The following UBASH3B variants were observed in gnomAD, a reference collection of about 807,000 sequenced individuals.
UBASH3B encodes ubiquitin associated and SH3 domain containing B, also known as ubiquitin-associated and SH3 domain-containing protein B.
UBASH3B carries 37 observed loss-of-function variants against 83.4 expected under a neutral mutation model. That is an observed-to-expected ratio of 0.44 (90% confidence interval 0.34 to 0.58). UBASH3B has a LOEUF of 0.58. UBASH3B is among the 20% of genes least tolerant of loss of function. The probability of loss-of-function intolerance (pLI) is 0.01; values close to 1 mark genes in which losing one functional copy is unlikely to be tolerated. For missense variants in UBASH3B, 657 were observed against 827.2 expected, an observed-to-expected ratio of 0.79 and a Z score of 2.52; for synonymous variants, 304 against 318.3, an observed-to-expected ratio of 0.96 and a Z score of 0.48.
intron 1 of UBASH3B, among the ~76,000 whole-genome samples, chr11:122,684,116 C>T (rs756932861): frequency 6.6e-6 from 1 of 152,100 alleles, no homozygotes; most frequent in Admixed American, 6.6e-5. Flanking sequence ...ATGGGAAAGT[C>T]GCTGAAGAAT....
intron 1 of UBASH3B, among the ~76,000 whole-genome samples, chr11:122,710,384 C>T (rs1864176319): frequency 6.6e-6 from 1 of 152,104 alleles, no homozygotes; most frequent in Non-Finnish European, 1.5e-5. Flanking sequence ...ACGCTTATTA[C>T]AAGCCAGGCA....
At chr11:122,779,719 G>A (rs1472925460) in intron 4 of UBASH3B, 24 bp downstream of exon 4, 1 of 1,613,394 alleles carries the variant, frequency 6.2e-7, no homozygotes, top group Admixed American at 1.7e-5. Flanking sequence ...TGCCAGGCCA[G>A]CCCTGGGCCC....
chr11:122,774,634 A>G (rs1860702178), intron 1 of UBASH3B, among the ~76,000 whole-genome samples: 1 of 152,168 alleles, frequency 6.6e-6, no homozygotes, highest in Admixed American at 6.5e-5. Flanking sequence ...AGTTGGGGAA[A>G]GGATGCTTGC....
Position 122,796,946 on chromosome 11 carries a change from A to G in UBASH3B, c.1270A>G (p.Ser424Gly), listed in dbSNP as rs1861167344. Reference protein sequence around the residue: ...YIRTNLNMPHSLPQRSGGFRD... With the variant: ...YIRTNLNMPHGLPQRSGGFRD... ...ACGCACCAACCTGAACATGCCTCAT[A>G]GTTTACCTCAGCGGAGTGGTGGTTT... is the stretch of plus-strand genomic sequence containing the variant. Residue 424 changes from serine to glycine, a missense_variant, in exon 9 of 14, where the codon AGT (serine) becomes GGT (glycine). Physicochemically the swap from Ser to Gly is moderately conservative, Grantham distance 56. Around this residue, in one of 3 missense-constraint regions of UBASH3B, gnomAD observed 573 missense variants for 739.0 expected, o/e 0.78. Coordinates refer to ENST00000284273, the MANE Select transcript of UBASH3B (RefSeq NM_032873.5). 1 of 1,614,140 alleles carries G rather than the reference A, an allele frequency of 6.2e-7. No homozygotes were observed. Among genetic ancestry groups the G allele is most frequent in the Non-Finnish European group, 8.5e-7 (1 of 1,180,014 alleles).
intron 4 of UBASH3B, among the ~76,000 whole-genome samples, chr11:122,779,915 G>A (rs1461461650): frequency 4.6e-5 from 7 of 152,172 alleles, no homozygotes; most frequent in Non-Finnish European, 8.8e-5. Context: ...TGGAGAGACC[G>A]TCTAAGGCTT....
intron 1 of UBASH3B, among the ~76,000 whole-genome samples, chr11:122,664,078 G>A (rs759305856): frequency 3.9e-5 from 6 of 152,118 alleles, no homozygotes; most frequent in Non-Finnish European, 8.8e-5. Context: ...GTTCCTCACT[G>A]AGCTTTGGGT....
In UBASH3B at chr11:122,810,545, CT is replaced by C. The variant is rs79588069; in HGVS notation, c.*660del. ...CCTTCTTGCTACAGCCCTATCCCCC[CT>C]CCTTGCTTCTGTGAAATGGGGAGAC... On this transcript the variant is annotated 3_prime_UTR_variant, in exon 14 of 14. Coordinates refer to ENST00000284273, the MANE Select transcript of UBASH3B (RefSeq NM_032873.5). 9,430 of 152,056 alleles carry C rather than the reference CT, an allele frequency of 0.062. 568 individuals carry two copies. The highest frequency in any genetic ancestry group is 0.15 in the African/African-American group (6,282 of 40,966). 9.4% of individuals were successfully genotyped at this position (152,056 alleles called of 1,614,324 possible).
At chr11:122,687,589 G>A (rs1863825320) in intron 1 of UBASH3B, among the ~76,000 whole-genome samples, 1 of 152,164 alleles carries the variant, frequency 6.6e-6, no homozygotes, top group Admixed American at 6.5e-5. Context: ...CCTCTGCTAT[G>A]CTTCTACTAT....
chr11:122,787,443 G>A (rs1297157471), intron 5 of UBASH3B, among the ~76,000 whole-genome samples: 1 of 152,160 alleles, frequency 6.6e-6, no homozygotes, highest in Non-Finnish European at 1.5e-5. Context: ...AAGGAAAATC[G>A]GAAATGCAGC....
chr11:122,720,548 C>T (rs777958408), intron 1 of UBASH3B, among the ~76,000 whole-genome samples: 14 of 152,194 alleles, frequency 9.2e-5, no homozygotes, highest in Non-Finnish European at 1.8e-4. Context: ...AATCTAAAGC[C>T]TTCCTGTCTC....
intron 1 of UBASH3B, among the ~76,000 whole-genome samples, chr11:122,662,427 CTTTTCT>C (rs1466881191): frequency 1.5e-5 from 2 of 136,136 alleles, no homozygotes; most frequent in Non-Finnish European, 3.2e-5. Flanking sequence ...TTTTTCTTTT[CTTTTCT>C]TTTTTTTTTT....
At chr11:122,669,242 C>T (rs1426014781) in intron 1 of UBASH3B, among the ~76,000 whole-genome samples, 1 of 152,128 alleles carries the variant, frequency 6.6e-6, no homozygotes, top group African/African-American at 2.4e-5. Context: ...TCAATAGAAC[C>T]GTGTTCTTCC....
intron 3 of UBASH3B, among the ~76,000 whole-genome samples, chr11:122,778,411 T>C (rs551884711): frequency 6.6e-6 from 1 of 152,266 alleles, no homozygotes; most frequent in African/African-American, 2.4e-5. Context: ...TCTCTGGGAC[T>C]CATTCTTCCC....
At chr11:122,773,603 C>T (rs562786653) in intron 1 of UBASH3B, among the ~76,000 whole-genome samples, 1 of 152,322 alleles carries the variant, frequency 6.6e-6, no homozygotes, top group African/African-American at 2.4e-5. Context: ...GCATGTGTAC[C>T]AGATACGATA....
Position 122,776,265 on chromosome 11 carries a change from T to A in UBASH3B, c.208T>A (p.Cys70Ser), listed in dbSNP as rs983824404. 7 of 1,606,344 alleles carry A rather than the reference T, an allele frequency of 4.4e-6. No homozygotes were observed. The Admixed American group carries it at 1.0e-4, about 24-fold the overall frequency. Residue 70 changes from cysteine (C) to serine (S), a missense_variant, in exon 2 of 14, where the codon TGT (cysteine) becomes AGT (serine). Transcript: ENST00000284273. ...STGGRSVQAACDWLFSHVGDP... is the reference protein window; with the variant it reads ...STGGRSVQAASDWLFSHVGDP... ...GGGAGGAAGAAGTGTTCAGGCAGCATGTGACTGGTTGGTATGAGATAAATA... is the reference window on the plus strand; with the variant it reads ...GGGAGGAAGAAGTGTTCAGGCAGCAAGTGACTGGTTGGTATGAGATAAATA...
At chr11:122,661,705 C>T (rs1236760332) in intron 1 of UBASH3B, among the ~76,000 whole-genome samples, 1 of 152,090 alleles carries the variant, frequency 6.6e-6, no homozygotes, top group African/African-American at 2.4e-5. Flanking sequence ...AAGCACACAA[C>T]ATATGCTTTG....
At chr11:122,709,176 A>G (rs1343523760) in intron 1 of UBASH3B, 1 of 152,230 alleles carries the variant, frequency 6.6e-6, no homozygotes, top group Non-Finnish European at 1.5e-5. Context: ...GAGCCTGGCA[A>G]GGCTGCAGTG....
At chr11:122,800,335 C>G (rs938679118) in intron 10 of UBASH3B, among the ~76,000 whole-genome samples, 1 of 142,610 alleles carries the variant, frequency 7.0e-6, no homozygotes, top group South Asian at 2.2e-4. Flanking sequence ...GTCAGGAGAT[C>G]GAGACCATCC....
intron 1 of UBASH3B, among the ~76,000 whole-genome samples, chr11:122,765,014 GAA>G (rs57309301): frequency 1.4e-5 from 2 of 145,628 alleles, no homozygotes; most frequent in Non-Finnish European, 3.0e-5. Flanking sequence ...CTGCTGCATA[GAA>G]AAAAAAAAAT....
Sources: gnomAD v4.1 joint callset for allele counts (sites outside exome capture counted in the v4.1 genomes callset) on GRCh38, gnomAD v4.1.1 for gene constraint, gnomAD v4.1.1 regional missense constraint, MANE v1.5 for transcripts, NCBI Gene and HGNC (gene_info 2026-07-23, HGNC 2026-07-21) for gene names.